BID: variants seen among roughly 807,000 people sequenced by gnomAD.
The protein encoded by BID is BH3 interacting domain death agonist, also known as BH3-interacting domain death agonist.
A neutral mutation model predicts 17.4 loss-of-function variants in BID; 19 were observed. That is an observed-to-expected ratio of 1.09 (90% CI 0.76 to 1.60). The LOEUF (loss-of-function observed/expected upper bound fraction) is 1.60. Ranked by LOEUF, BID falls within the 40% of genes most tolerant of loss-of-function variation. The probability of loss-of-function intolerance (pLI) is 0.00; values close to 1 mark genes in which losing one functional copy is unlikely to be tolerated. For synonymous variants in BID, 108 were observed against 102.8 expected, an observed-to-expected ratio of 1.05 and a Z score of -0.31; for missense variants, 226 against 256.0, an observed-to-expected ratio of 0.88 and a Z score of 0.80.
chr22:17,759,246 C>CAAAAAAAAAAAAAAAAAAA (rs61124020), intron 1 of BID, among the ~76,000 whole-genome samples: 1 of 114,788 alleles, frequency 8.7e-6, no homozygotes, highest in African/African-American at 3.1e-5. Context: ...AAAAACAAAA[C>CAAAAAAAAAAAAAAAAAAA]AAAAAAAAAA....
intron 1 of BID, among the ~76,000 whole-genome samples, chr22:17,751,338 G>C (rs2061538029): frequency 1.3e-5 from 2 of 150,850 alleles, no homozygotes; most frequent in South Asian, 4.2e-4. Flanking sequence ...CGCCACTGCA[G>C]TCCGCAGTCC....
intron 1 of BID, among the ~76,000 whole-genome samples, chr22:17,760,961 C>T (rs573466373): frequency 2.0e-5 from 3 of 152,316 alleles, no homozygotes; most frequent in East Asian, 1.9e-4. Context: ...CGGGGCCTCC[C>T]GCCAAGCCCA....
chr22:17,764,024 A>C (rs2145916239), intron 1 of BID, among the ~76,000 whole-genome samples: 1 of 152,322 alleles, frequency 6.6e-6, no homozygotes, highest in East Asian at 1.9e-4. Context: ...TCCATTCAGA[A>C]ATCTGGCTAC....
chr22:17,759,841 A>G (rs901545243), intron 1 of BID, among the ~76,000 whole-genome samples: 2 of 152,146 alleles, frequency 1.3e-5, no homozygotes, highest in Non-Finnish European at 2.9e-5. Context: ...TGAGAAAGCA[A>G]TATCATTTAA....
chr22:17,762,066 C>T (rs367599128), intron 1 of BID, among the ~76,000 whole-genome samples: 1 of 152,264 alleles, frequency 6.6e-6, no homozygotes, highest in East Asian at 1.9e-4. Context: ...GTACAGTGGA[C>T]TTTCCCAGGG....
At chr22:17,747,653 T>C (rs2061503597) in intron 2 of BID, among the ~76,000 whole-genome samples, 1 of 152,060 alleles carries the variant, frequency 6.6e-6, no homozygotes, top group South Asian at 2.1e-4. Context: ...GAATTGATAG[T>C]TTTTTATCTT....
chr22:17,740,241 C>T, intron 3 of BID: 3 of 1,436,480 alleles, frequency 2.1e-6, no homozygotes, highest in Non-Finnish European at 1.9e-6. Context: ...CTGACAAATA[C>T]CCAGCACTTA....
chr22:17,753,019 T>G (rs2061552436), intron 1 of BID, among the ~76,000 whole-genome samples: 1 of 127,696 alleles, frequency 7.8e-6, no homozygotes, highest in African/African-American at 3.1e-5. Flanking sequence ...CAGGCTGGAG[T>G]GCAGTGGCGC....
At chr22:17,745,988 AAAAT>A (rs58945027) in intron 2 of BID, among the ~76,000 whole-genome samples, 19 of 151,978 alleles carry the variant, frequency 1.3e-4, no homozygotes, top group African/African-American at 1.7e-4. Context: ...ACAAACAACA[AAAAT>A]AAATAAATAA....
At chr22:17,746,445 A>G (rs576226595) in intron 2 of BID, among the ~76,000 whole-genome samples, 3 of 152,248 alleles carry the variant, frequency 2.0e-5, no homozygotes, top group Non-Finnish European at 2.9e-5. Flanking sequence ...CACTGCATCA[A>G]TTCCTAACAA....
intron 1 of BID, among the ~76,000 whole-genome samples, chr22:17,754,463 G>A (rs907981651): frequency 2.6e-5 from 4 of 152,256 alleles, no homozygotes; most frequent in African/African-American, 7.2e-5. Flanking sequence ...GCCAGGGGGC[G>A]CCAGGCCCTC....
chr22:17,751,208 T>C (rs1031461888), intron 1 of BID, among the ~76,000 whole-genome samples: 2 of 151,226 alleles, frequency 1.3e-5, no homozygotes, highest in African/African-American at 4.9e-5. Flanking sequence ...CCGTCTCTAC[T>C]AAAAATACAA....
chr22:17,737,656 A>C (rs1233560823), intron 5 of BID, among the ~76,000 whole-genome samples: 1 of 152,066 alleles, frequency 6.6e-6, no homozygotes, highest in East Asian at 1.9e-4. Flanking sequence ...CATTACACTT[A>C]TTTTTTATGG....
rs2061739933 is a variant in BID, at chr22:17,773,899, A to AGCGG, written c.-59+481_-59+482insCCGC. 2 of 602,178 alleles carry AGCGG rather than the reference A, an allele frequency of 3.3e-6. No homozygotes were observed. Among genetic ancestry groups the AGCGG allele is most frequent in the Non-Finnish European group, 5.9e-6 (2 of 338,722 alleles). 37.3% of individuals were successfully genotyped at this position (602,178 alleles called of 1,614,324 possible). On this transcript the variant is annotated intron_variant, in intron 1 of 5. Coordinates refer to ENST00000622694, the MANE Select transcript of BID (RefSeq NM_001196.4). The surrounding 1 kb of genome is among the most constrained non-coding windows in gnomAD (Gnocchi z 4.4). ...CTCTGACCGCGCTTTGTCAGCCCTG[A>AGCGG]GCTCCGCTCGGGAGGAGCCGGCAGG...
intron 2 of BID, among the ~76,000 whole-genome samples, chr22:17,746,095 T>C (rs2061493393): frequency 6.6e-6 from 1 of 152,120 alleles, no homozygotes; most frequent in African/African-American, 2.4e-5. Flanking sequence ...CTAGAGGCCA[T>C]TACCCTAAGT....
At chr22:17,761,003 T>C (rs932187487) in intron 1 of BID, among the ~76,000 whole-genome samples, 1 of 152,238 alleles carries the variant, frequency 6.6e-6, no homozygotes, top group African/African-American at 2.4e-5. Context: ...GAATAACATT[T>C]ACACATACAC....
chr22:17,755,617 A>T (rs1209238943), intron 1 of BID, among the ~76,000 whole-genome samples: 5 of 152,004 alleles, frequency 3.3e-5, no homozygotes, highest in Non-Finnish European at 5.9e-5. Flanking sequence ...CCTGGTCAAC[A>T]TGGTGAAACC....
chr22:17,749,993 G>C (rs1670241252), intron 2 of BID, 112 bp downstream of exon 2: 3 of 1,067,528 alleles, frequency 2.8e-6, no homozygotes, highest in South Asian at 1.4e-5. Context: ...GCTGTGGTAA[G>C]GGCCAGGCGG....
Position 17,739,340 on chromosome 22 carries a change from C to T in BID, c.363+9G>A. ...TGCCCGCCCACGCGGTCCTCAGGCC[C>T]TCACTCACCTCCTCCGACCGGCTGG... On this transcript the variant is annotated intron_variant, in intron 4 of 5. Transcript: ENST00000622694. The T allele has an allele frequency of 2.5e-6, 4 of 1,579,812 alleles. No homozygotes were observed. Among genetic ancestry groups the T allele is most frequent in the Non-Finnish European group, 3.4e-6 (4 of 1,165,660 alleles).
Sources: gnomAD v4.1 joint callset for allele counts (sites outside exome capture counted in the v4.1 genomes callset) on GRCh38, gnomAD v4.1.1 for gene constraint, Gnocchi (gnomAD v3.1) non-coding constraint, MANE v1.5 for transcripts, NCBI Gene and HGNC (gene_info 2026-07-23, HGNC 2026-07-21) for gene names.